The following ANGPTL5 variants were observed in gnomAD, a reference collection of about 807,000 sequenced individuals.
ANGPTL5 encodes angiopoietin like 5.
Under a neutral mutation model 39.4 loss-of-function variants are expected in ANGPTL5, and 34 were observed. The observed-to-expected ratio is 0.86, with a 90% CI of 0.66 to 1.15. The LOEUF (loss-of-function observed/expected upper bound fraction) is 1.15, where lower values mean the gene tolerates loss of function less well. Among genes scored for constraint, ANGPTL5 ranks in the 50% most tolerant of loss-of-function variants. The probability of loss-of-function intolerance (pLI) is 0.00; values close to 1 mark genes in which losing one functional copy is unlikely to be tolerated. For synonymous variants in ANGPTL5, 146 were observed against 152.1 expected (o/e 0.96, Z 0.29); for missense variants, 467 against 457.5 (o/e 1.02, Z -0.19).
chr11:101,892,704 T>C (rs1480916720), intron 8 of ANGPTL5, among the ~76,000 whole-genome samples: 2 of 152,186 alleles, frequency 1.3e-5, no homozygotes, highest in Non-Finnish European at 2.9e-5. Flanking sequence ...ATTTCACCTA[T>C]ATGTAAGCTT....
At chr11:101,910,570 A>T (rs996076039) in intron 1 of ANGPTL5, among the ~76,000 whole-genome samples, 2 of 152,116 alleles carry the variant, frequency 1.3e-5, no homozygotes, top group African/African-American at 4.8e-5. Context: ...TCTAATAGAC[A>T]TCTCACATTT....
chr11:101,915,067 T>C, intron 1 of ANGPTL5: 1 of 567,860 alleles, frequency 1.8e-6, no homozygotes, highest in South Asian at 3.2e-5. Context: ...CCATCTGCTA[T>C]TGCCCGGCGA....
intron 8 of ANGPTL5, among the ~76,000 whole-genome samples, chr11:101,893,568 GA>G (rs1275022412): frequency 6.6e-6 from 1 of 152,152 alleles, no homozygotes; most frequent in East Asian, 1.9e-4. Flanking sequence ...CTTTTGTAAC[GA>G]AAAAACTTTT....
Position 101,890,866 on chromosome 11 carries a change from G to A in ANGPTL5, c.*413C>T, listed in dbSNP as rs559803415. On this transcript the variant is annotated 3_prime_UTR_variant, in exon 9 of 9. Transcript: ENST00000334289. The stretch of plus-strand genomic sequence containing the variant: ...ATTAATCTGCATAAAGTTATTTATT[G>A]TAACTGTCTTCAGTAGAAATTATCT... 6.3e-6 allele frequency: 1 copy of A among 158,994 alleles called. No homozygotes were observed. The highest frequency in any genetic ancestry group is 1.8e-4 in the East Asian group (1 of 5,584). 9.8% of individuals were successfully genotyped at this position (158,994 alleles called of 1,614,324 possible).
At chr11:101,915,425 G>T (rs1488702958) in intron 1 of ANGPTL5, 2 of 1,598,174 alleles carry the variant, frequency 1.3e-6, no homozygotes, top group East Asian at 4.5e-5. Flanking sequence ...ATCCTTCCCA[G>T]CCTGTGGCTG....
intron 1 of ANGPTL5, 22 bp from the exon 2 acceptor site, chr11:101,908,023 C>T (rs1940028543): frequency 5.1e-6 from 4 of 782,706 alleles, no homozygotes; most frequent in Non-Finnish European, 8.6e-6. Flanking sequence ...ACAACAAAAA[C>T]ATAAGCCAAA....
At position 101,900,505 on chromosome 11, in the gene ANGPTL5, G is replaced by A. The variant is rs758689424; in HGVS notation, c.586C>T (p.Gln196Ter). ...TCAATTATCCCATCAATTCTTTTCT[G>A]TATCACAGTCCGTCCACCTCCTCTG... is the stretch of plus-strand genomic sequence containing the variant. ...DYRGGGRTVI[Q>*]KRIDGIIDFQ... Residue 196 changes from glutamine to a stop codon, truncating the protein, a stop_gained, in exon 7 of 9, where the codon CAG becomes TAG. Coordinates refer to ENST00000334289, the MANE Select transcript of ANGPTL5 (RefSeq NM_178127.5). LOFTEE classifies it high-confidence loss of function. The A allele has an allele frequency of 2.5e-6, 4 of 1,612,706 alleles. No homozygotes were observed. Among genetic ancestry groups the A allele is most frequent in the Non-Finnish European group, 3.4e-6 (4 of 1,178,936 alleles).
chr11:101,895,981 A>G (rs1485787623), intron 7 of ANGPTL5, among the ~76,000 whole-genome samples: 1 of 152,122 alleles, frequency 6.6e-6, no homozygotes, highest in Non-Finnish European at 1.5e-5. Flanking sequence ...CATTTTAGCA[A>G]CACGCTCACT....
chr11:101,891,662 C>CCAG (rs1445598684), intron 8 of ANGPTL5, 64 bp from the exon 9 acceptor site: 3 of 1,459,392 alleles, frequency 2.1e-6, no homozygotes, highest in Non-Finnish European at 2.8e-6. Context: ...TTAATCATTA[C>CCAG]CAGCATATTA....
At chr11:101,915,711 G>C (rs1240145783) in intron 1 of ANGPTL5, among the ~76,000 whole-genome samples, 1 of 152,080 alleles carries the variant, frequency 6.6e-6, no homozygotes, top group Non-Finnish European at 1.5e-5. Flanking sequence ...ATATTTTTAT[G>C]CCATTATGTT....
intron 5 of ANGPTL5, among the ~76,000 whole-genome samples, chr11:101,903,727 G>A (rs919708305): frequency 6.6e-6 from 1 of 152,068 alleles, no homozygotes; most frequent in Non-Finnish European, 1.5e-5. Flanking sequence ...AGAAGTTCAC[G>A]CTGAAGGACC....
At position 101,904,860 on chromosome 11, in the gene ANGPTL5, A is replaced by T; in HGVS notation, c.393T>A (p.Phe131Leu). The T allele has an allele frequency of 6.2e-7, 1 of 1,613,732 alleles. No individual in the cohort carries two copies. Among genetic ancestry groups the T allele is most frequent in the Non-Finnish European group, 8.5e-7 (1 of 1,179,682 alleles). ...NRVLLLTTEV[F>L]RKQLDPFPHR... ...GAGGAAAAGGATCCAGCTGTTTTCT[A>T]AAAACTTCTGTAGTCAAAAGGAGAA... Residue 131 changes from phenylalanine to leucine, a missense_variant, in exon 5 of 9, where the codon TTT (phenylalanine) becomes TTA (leucine). Coordinates refer to ENST00000334289, the MANE Select transcript of ANGPTL5 (RefSeq NM_178127.5).
chr11:101,907,314 A>T, intron 2 of ANGPTL5, 67 bp from the exon 3 acceptor site: 1 of 999,186 alleles, frequency 1.0e-6, no homozygotes, highest in Non-Finnish European at 1.4e-6. Context: ...AATACATAAT[A>T]AAAAAGACTA....
chr11:101,896,715 A>G (rs1271863663), intron 7 of ANGPTL5, among the ~76,000 whole-genome samples: 1 of 152,202 alleles, frequency 6.6e-6, no homozygotes, highest in African/African-American at 2.4e-5. Flanking sequence ...ATAGTATTCC[A>G]TGGTGTATAT....
chr11:101,907,519 A>T (rs748825059), intron 2 of ANGPTL5, among the ~76,000 whole-genome samples: 29 of 152,090 alleles, frequency 1.9e-4, no homozygotes, highest in Non-Finnish European at 3.7e-4. Flanking sequence ...TTTTTTAAGC[A>T]AAGTGATTTT....
chr11:101,910,424 A>AAATATATATATATAT (rs1469724609), intron 1 of ANGPTL5, among the ~76,000 whole-genome samples: 6 of 127,210 alleles, frequency 4.7e-5, no homozygotes, highest in South Asian at 5.2e-4. Context: ...AAAAAAAAAA[A>AAATATATATATATAT]ATATATATAT....
chr11:101,902,786 A>G, intron 5 of ANGPTL5, 65 bp from the exon 6 acceptor site: 1 of 1,045,658 alleles, frequency 9.6e-7, no homozygotes, highest in Non-Finnish European at 1.5e-6. Flanking sequence ...TCATTTTACT[A>G]TAGAGAATTG....
intron 5 of ANGPTL5, 63 bp downstream of exon 5, chr11:101,904,751 G>A: frequency 7.0e-7 from 1 of 1,423,436 alleles, no homozygotes; most frequent in South Asian, 1.1e-5. Flanking sequence ...GGATCGACCT[G>A]TCCAGGAAAA....
chr11:101,905,897 C>G (rs1392165529), intron 3 of ANGPTL5, 50 bp from the exon 4 acceptor site: 1 of 1,063,028 alleles, frequency 9.4e-7, no homozygotes, highest in Non-Finnish European at 1.4e-6. Context: ...TTACAGAAAA[C>G]AATTACAGTG....
Sources: gnomAD v4.1 joint callset for allele counts (sites outside exome capture counted in the v4.1 genomes callset) on GRCh38, gnomAD v4.1.1 for gene constraint, MANE v1.5 for transcripts, NCBI Gene and HGNC (gene_info 2026-07-23, HGNC 2026-07-21) for gene names.